Variants in PGAP4 observed in about 807,000 individuals in gnomAD.
PGAP4 encodes post-GPI attachment to proteins GalNAc transferase 4, also known as GPI-N-acetylgalactosamine transferase PGAP4.
A neutral mutation model predicts 28.2 loss-of-function variants in PGAP4; 12 were observed. The observed-to-expected ratio is 0.42, with a 90% confidence interval of 0.27 to 0.69. The LOEUF (loss-of-function observed/expected upper bound fraction) is 0.69. Ranked by LOEUF, PGAP4 falls within the 30% of genes least tolerant of loss-of-function variation. The pLI is 0.22. For missense variants in PGAP4, 425 were observed against 513.5 expected (o/e 0.83, Z 1.67); for synonymous variants, 205 against 211.8 (o/e 0.97, Z 0.28).
intron 2 of PGAP4, among the ~76,000 whole-genome samples, chr9:101,506,188 TG>T (rs1448619330): frequency 6.6e-6 from 1 of 152,062 alleles, no homozygotes; most frequent in Admixed American, 6.6e-5. Flanking sequence ...TGGGCCCCTG[TG>T]GAAAACTATA....
At chr9:101,482,170 A>T (rs565329028) in intron 1 of PGAP4, among the ~76,000 whole-genome samples, 2 of 152,360 alleles carry the variant, frequency 1.3e-5, no homozygotes, top group Admixed American at 1.3e-4. Context: ...TACTTCAACC[A>T]GGCGCGGTGG....
At chr9:101,497,797 T>C (rs1037742747) in intron 2 of PGAP4, among the ~76,000 whole-genome samples, 2 of 151,710 alleles carry the variant, frequency 1.3e-5, no homozygotes, top group African/African-American at 2.4e-5. Flanking sequence ...TAAATAAAAA[T>C]GTTTAAGGGA....
intron 2 of PGAP4, among the ~76,000 whole-genome samples, chr9:101,507,356 T>C (rs1207145412): frequency 2.6e-5 from 4 of 152,146 alleles, no homozygotes; most frequent in East Asian, 3.9e-4. Context: ...ATTTGGGACA[T>C]GATCTAAGTG....
intron 1 of PGAP4, chr9:101,480,675 G>C (rs1826458699): frequency 6.6e-6 from 1 of 152,166 alleles, no homozygotes; most frequent in Non-Finnish European, 1.5e-5. Context: ...ACCCACCTAG[G>C]ACACAGGAGC....
intron 2 of PGAP4, chr9:101,501,552 A>G (rs1484021084): frequency 1.7e-5 from 7 of 414,964 alleles, no homozygotes; most frequent in African/African-American, 2.0e-5. Flanking sequence ...ATGCATTTAG[A>G]GGAGAAATAT....
intron 2 of PGAP4, among the ~76,000 whole-genome samples, chr9:101,522,618 G>T (rs1373555217): frequency 6.6e-6 from 1 of 152,130 alleles, no homozygotes; most frequent in Non-Finnish European, 1.5e-5. Flanking sequence ...TTATGTGTAA[G>T]TTGAGTCTCC....
rs1826259877 is a variant in PGAP4, at chr9:101,475,079, T to C, written c.*802A>G. On this transcript the variant is annotated 3_prime_UTR_variant, in exon 2 of 2. Coordinates refer to ENST00000374848, the MANE Select transcript of PGAP4 (RefSeq NM_032342.3). ...GCCAGGAAAGTCAGGAAAAATGATA[T>C]GCTACTTGTAAAGAGCTCCCCTATA... The C allele has an allele frequency of 6.6e-6, 1 of 151,398 alleles. No homozygotes were observed. The highest frequency in any genetic ancestry group is 2.4e-5 in the African/African-American group (1 of 41,098). 9.4% of individuals were successfully genotyped at this position (151,398 alleles called of 1,614,324 possible).
chr9:101,525,967 C>T (rs1004561056), intron 2 of PGAP4, among the ~76,000 whole-genome samples: 2 of 151,272 alleles, frequency 1.3e-5, no homozygotes, highest in Non-Finnish European at 2.9e-5. Context: ...GTATGTGATT[C>T]TATTTTTTTC....
intron 2 of PGAP4, among the ~76,000 whole-genome samples, chr9:101,511,708 C>G (rs183757684): frequency 1.3e-5 from 2 of 152,232 alleles, no homozygotes; most frequent in Admixed American, 1.3e-4. Flanking sequence ...AGTGCTTAAT[C>G]GGTCAACCTC....
intron 2 of PGAP4, among the ~76,000 whole-genome samples, chr9:101,529,453 C>G (rs1388453665): frequency 6.6e-6 from 1 of 152,194 alleles, no homozygotes; most frequent in Non-Finnish European, 1.5e-5. Flanking sequence ...CCGCGCCCGG[C>G]CTTCTCTCAG....
At chr9:101,494,973 A>G (rs1826726192) in intron 2 of PGAP4, among the ~76,000 whole-genome samples, 1 of 149,392 alleles carries the variant, frequency 6.7e-6, no homozygotes, top group Non-Finnish European at 1.5e-5. Flanking sequence ...ATAACAAACA[A>G]ATTATCACTG....
intron 2 of PGAP4, among the ~76,000 whole-genome samples, chr9:101,497,670 A>G (rs1826763213): frequency 6.6e-6 from 1 of 151,654 alleles, no homozygotes; most frequent in African/African-American, 2.4e-5. Context: ...TTTTATTTTT[A>G]TTTTATCAAT....
At chr9:101,504,209 G>GTTTTT (rs3081858) in intron 2 of PGAP4, among the ~76,000 whole-genome samples, 18 of 22,694 alleles carry the variant, frequency 7.9e-4, no homozygotes, top group South Asian at 3.7e-3. Context: ...GTGTGTGTTT[G>GTTTTT]TTTTTTTTTT....
intron 2 of PGAP4, among the ~76,000 whole-genome samples, chr9:101,524,146 C>G (rs139305687): frequency 6.6e-6 from 1 of 151,206 alleles, no homozygotes; most frequent in Non-Finnish European, 1.5e-5. Flanking sequence ...GGTTGGGGGG[C>G]GGGTGTGCAA....
chr9:101,498,408 A>G (rs1331539602), intron 2 of PGAP4, among the ~76,000 whole-genome samples: 2 of 151,802 alleles, frequency 1.3e-5, no homozygotes, highest in African/African-American at 4.8e-5. Context: ...AGGCAAACCT[A>G]AATTTATATT....
intron 2 of PGAP4, among the ~76,000 whole-genome samples, chr9:101,499,800 A>C (rs1826781811): frequency 6.6e-6 from 1 of 152,032 alleles, no homozygotes; most frequent in South Asian, 2.1e-4. Context: ...TTATTCTGAC[A>C]ACTTTCACAA....
At chr9:101,495,829 A>G (rs1826742315) in intron 2 of PGAP4, among the ~76,000 whole-genome samples, 1 of 151,224 alleles carries the variant, frequency 6.6e-6, no homozygotes, top group Admixed American at 6.6e-5. Flanking sequence ...GCCAGTTACA[A>G]AAAGGTAAAA....
intron 2 of PGAP4, among the ~76,000 whole-genome samples, chr9:101,521,475 C>G (rs1289468574): frequency 6.6e-6 from 1 of 152,068 alleles, no homozygotes; most frequent in African/African-American, 2.4e-5. Flanking sequence ...CCCATCTTTT[C>G]TAGGTTTTCC....
At chr9:101,490,505 A>G (rs1416689868), upstream of PGAP4, among the ~76,000 whole-genome samples, 14 of 152,168 alleles carry the variant, frequency 9.2e-5, no homozygotes, top group Admixed American at 9.2e-4. Flanking sequence ...CTTTGATCCT[A>G]CAAGATTTAG....
Sources: gnomAD v4.1 joint callset for allele counts (sites outside exome capture counted in the v4.1 genomes callset) on GRCh38, gnomAD v4.1.1 for gene constraint, MANE v1.5 for transcripts, NCBI Gene and HGNC (gene_info 2026-07-23, HGNC 2026-07-21) for gene names.